ARL13B: variants seen among roughly 807,000 people sequenced by gnomAD.
ARL13B encodes ARF like GTPase 13B, also known as ADP-ribosylation factor-like protein 13B.
In ARL13B, 36 loss-of-function variants were observed where a neutral mutation model predicts 56.1. The ratio of observed to expected loss-of-function variants is 0.64; its 90% CI spans 0.49 to 0.85. The LOEUF is 0.85. ARL13B is among the 40% of genes least tolerant of loss of function. ARL13B has a pLI of 0.00. For synonymous variants in ARL13B, 178 were observed against 171.1 expected (o/e 1.04, Z -0.32); for missense variants, 519 against 507.1 (o/e 1.02, Z -0.23).
At chr3:94,040,398 T>C (rs751728972) in intron 6 of ARL13B, among the ~76,000 whole-genome samples, 6 of 152,210 alleles carry the variant, frequency 3.9e-5, no homozygotes, top group Non-Finnish European at 7.3e-5. Flanking sequence ...ATAAACAATT[T>C]TCTATTTTTC....
intron 5 of ARL13B, among the ~76,000 whole-genome samples, chr3:94,037,265 TAGA>T (rs2107122209): frequency 6.6e-6 from 1 of 152,248 alleles, no homozygotes; most frequent in Non-Finnish European, 1.5e-5. Context: ...TCAGCAAGGA[TAGA>T]AGGTGAGCTG....
intron 1 of ARL13B, 93 bp from the exon 2 acceptor site, chr3:93,995,781 C>G: frequency 8.5e-7 from 1 of 1,179,242 alleles, no homozygotes; most frequent in East Asian, 2.6e-5. Flanking sequence ...ATAGGTGCTC[C>G]TTAAATGTTG....
At chr3:94,049,709 TA>T (rs1050775479) in intron 8 of ARL13B, among the ~76,000 whole-genome samples, 187 bp downstream of exon 8, 1 of 151,882 alleles carries the variant, frequency 6.6e-6, no homozygotes, top group African/African-American at 2.4e-5. Context: ...CTTTTTTGAA[TA>T]AAAAAATGTT....
intron 3 of ARL13B, among the ~76,000 whole-genome samples, chr3:94,030,731 C>T (rs1004089892): frequency 3.3e-5 from 5 of 151,994 alleles, no homozygotes; most frequent in African/African-American, 7.2e-5. Context: ...GACAAAGATA[C>T]GTAACCACAA....
chr3:94,004,858 G>C (rs192414146), intron 3 of ARL13B, among the ~76,000 whole-genome samples: 1 of 152,056 alleles, frequency 6.6e-6, no homozygotes, highest in Non-Finnish European at 1.5e-5. Flanking sequence ...ATGTTTTATT[G>C]AATCTAAAGG....
chr3:93,986,300 A>G (rs1435048984), intron 1 of ARL13B, among the ~76,000 whole-genome samples: 2 of 152,184 alleles, frequency 1.3e-5, no homozygotes, highest in Non-Finnish European at 2.9e-5. Flanking sequence ...TGGCCTTCTC[A>G]CTATTTATTC....
rs184920065 is a variant in ARL13B at position 94,054,326 on chromosome 3, A to G, written c.*1063A>G. 217 of 430,190 alleles carry G rather than the reference A, an allele frequency of 5.0e-4. 1 individual carries two copies. The highest frequency in any genetic ancestry group is 3.4e-3 in the African/African-American group (166 of 49,010). 26.6% of individuals were successfully genotyped at this position (430,190 alleles called of 1,614,324 possible). ...AAAATGTTGGCCCAAAATTACTTTT[A>G]TAAATAAATAATTCCAAAATAATTT... On this transcript the variant is annotated 3_prime_UTR_variant, in exon 10 of 10. Transcript: ENST00000394222.
At chr3:93,983,626 T>A (rs1710317491) in intron 1 of ARL13B, among the ~76,000 whole-genome samples, 1 of 152,204 alleles carries the variant, frequency 6.6e-6, no homozygotes, top group South Asian at 2.1e-4. Context: ...TAGGGGAACC[T>A]GCTTTCTGCT....
At chr3:94,014,902 T>C (rs1193599662) in intron 3 of ARL13B, 1 of 1,613,564 alleles carries the variant, frequency 6.2e-7, no homozygotes, top group East Asian at 2.2e-5. Context: ...AGATGGACCA[T>C]TTTCAACCTC....
intron 3 of ARL13B, among the ~76,000 whole-genome samples, chr3:94,011,756 G>A (rs2076227609): frequency 6.6e-6 from 1 of 152,076 alleles, no homozygotes; most frequent in Non-Finnish European, 1.5e-5. Context: ...TTGCCTGGAA[G>A]TATAGTGGAA....
chr3:94,015,022 C>T (rs749681776), intron 3 of ARL13B: 2 of 1,614,054 alleles, frequency 1.2e-6, no homozygotes, highest in Non-Finnish European at 1.7e-6. Flanking sequence ...ACTAAACCTT[C>T]TCATTGAAGC....
chr3:93,987,839 T>C (rs1411599566), intron 1 of ARL13B, among the ~76,000 whole-genome samples: 1 of 151,674 alleles, frequency 6.6e-6, no homozygotes, highest in Non-Finnish European at 1.5e-5. Context: ...AGAGACAAGG[T>C]CTCACCATGT....
chr3:94,043,191 A>C lies in ARL13B; in HGVS notation c.975A>C (p.Thr325=). 1 of 1,613,634 alleles carries C rather than the reference A, an allele frequency of 6.2e-7. No individual in the cohort carries two copies. Among genetic ancestry groups the C allele is most frequent in the Non-Finnish European group, 8.5e-7 (1 of 1,179,898 alleles). ...TAGAAAATTATAAGGAGGCATTAAC[A>C]CAGCAGTTAAAGAATGAAGATGAGA... ...GLVENYKEAL[T]QQLKNEDETD... is the part of the protein sequence containing the mutation. Residue 325 remains threonine (T), a synonymous_variant, in exon 7 of 10, where the codon ACA becomes ACC. Transcript: ENST00000394222.
chr3:93,984,753 G>A (rs763594989), intron 1 of ARL13B, among the ~76,000 whole-genome samples: 5 of 152,130 alleles, frequency 3.3e-5, no homozygotes, highest in African/African-American at 4.8e-5. Flanking sequence ...GGGTGTGGTG[G>A]CTCACACCTG....
intron 3 of ARL13B, among the ~76,000 whole-genome samples, chr3:94,029,608 T>C (rs1483832106): frequency 6.6e-6 from 1 of 151,892 alleles, no homozygotes; most frequent in African/African-American, 2.4e-5. Flanking sequence ...CCCAAAGTTC[T>C]GGGATTACAG....
chr3:94,045,969 A>AAG (rs2076976796), intron 7 of ARL13B, among the ~76,000 whole-genome samples: 8 of 118,188 alleles, frequency 6.8e-5, no homozygotes, highest in Non-Finnish European at 1.1e-4. Context: ...AAAAAAAAAG[A>AAG]AAAAAAAAAG....
chr3:94,007,447 A>G (rs1156726918), intron 3 of ARL13B, among the ~76,000 whole-genome samples: 1 of 152,218 alleles, frequency 6.6e-6, no homozygotes, highest in Admixed American at 6.5e-5. Context: ...TGATAAAGGC[A>G]TACCTAAGAC....
chr3:93,997,944 C>T (rs1255554009), intron 2 of ARL13B, among the ~76,000 whole-genome samples: 1 of 152,080 alleles, frequency 6.6e-6, no homozygotes, highest in Non-Finnish European at 1.5e-5. Context: ...TGGGATTGCG[C>T]CACTGCACTC....
intron 1 of ARL13B, among the ~76,000 whole-genome samples, chr3:93,983,292 T>A (rs1427715870): frequency 6.6e-6 from 1 of 152,162 alleles, no homozygotes; most frequent in Non-Finnish European, 1.5e-5. Context: ...CCAGTCTAGG[T>A]CAGCAGTCAA....
Sources: gnomAD v4.1 joint callset for allele counts (sites outside exome capture counted in the v4.1 genomes callset) on GRCh38, gnomAD v4.1.1 for gene constraint, MANE v1.5 for transcripts, NCBI Gene and HGNC (gene_info 2026-07-23, HGNC 2026-07-21) for gene names.